IMPA2: variants seen among roughly 807,000 people sequenced by gnomAD.
IMPA2 encodes IMP 2.
A neutral mutation model predicts 35.1 loss-of-function variants in IMPA2; 32 were observed. That is an observed-to-expected ratio of 0.91 (90% CI 0.69 to 1.23). The LOEUF (loss-of-function observed/expected upper bound fraction) is 1.23. Ranked by LOEUF, IMPA2 falls within the 50% of genes most tolerant of loss-of-function variation. The probability of loss-of-function intolerance (pLI) is 0.00; values close to 1 mark genes in which losing one functional copy is unlikely to be tolerated. For synonymous variants in IMPA2, 135 were observed against 160.6 expected (o/e 0.84, Z 1.20); for missense variants, 334 against 387.6 (o/e 0.86, Z 1.16).
At position 11,999,158 on chromosome 18, in the gene IMPA2, T is replaced by G; in HGVS notation, c.201T>G (p.Ser67=). The change falls in exon 2 of 8, where the codon TCT becomes TCG. Residue 67 remains serine, a synonymous_variant. Transcript: ENST00000269159. The part of the protein sequence containing the change: ...TDHLVEDLII[S]ELRERFPSHR... The stretch of plus-strand genomic sequence containing the variant: ...ACCTTGTGGAAGATTTAATTATTTC[T>G]GAGTTGCGAGAGAGGTTTCCTTCAC... The G allele has an allele frequency of 6.2e-7, 1 of 1,613,920 alleles. No individual in the cohort carries two copies. Among genetic ancestry groups the G allele is most frequent in the Non-Finnish European group, 8.5e-7 (1 of 1,179,872 alleles).
chr18:12,016,371 G>T (rs116920172), intron 5 of IMPA2, among the ~76,000 whole-genome samples: 1 of 151,734 alleles, frequency 6.6e-6, no homozygotes, highest in East Asian at 1.9e-4. Flanking sequence ...ATGCTCTTCA[G>T]CAGCACGGTC....
chr18:12,027,567 A>ATTTTT (rs138876745), intron 5 of IMPA2, among the ~76,000 whole-genome samples: 1,793 of 90,872 alleles, frequency 0.02, 68 homozygotes, highest in African/African-American at 0.026. Context: ...AATGATGGTG[A>ATTTTT]TTTTTTTTTT....
intron 4 of IMPA2, among the ~76,000 whole-genome samples, chr18:12,013,663 G>T (rs537774013): frequency 6.6e-6 from 1 of 152,182 alleles, no homozygotes; most frequent in African/African-American, 2.4e-5. Context: ...CCTTTTCCAC[G>T]CTGACCTCTT....
At chr18:12,013,766 C>T (rs955251234) in intron 4 of IMPA2, among the ~76,000 whole-genome samples, 4 of 152,218 alleles carry the variant, frequency 2.6e-5, no homozygotes, top group African/African-American at 9.6e-5. Flanking sequence ...TGCCTGCTCA[C>T]GGATCAGTCC....
At chr18:12,018,564 T>C (rs1483732168) in intron 5 of IMPA2, among the ~76,000 whole-genome samples, 3 of 152,204 alleles carry the variant, frequency 2.0e-5, no homozygotes, top group Non-Finnish European at 4.4e-5. Flanking sequence ...AACCCATTCA[T>C]ACTCCTAAAA....
Position 12,019,350 on chromosome 18 carries a change from G to A in IMPA2, c.490+4977G>A, listed in dbSNP as rs566406419. ...GCTCACTGCAACCCCTGCCTCCCAGGTTCCAGTGATTCTCCCACCTCAGCT... is the reference window on the plus strand; with the variant it reads ...GCTCACTGCAACCCCTGCCTCCCAGATTCCAGTGATTCTCCCACCTCAGCT... On this transcript the variant is annotated intron_variant, in intron 5 of 7. Coordinates refer to ENST00000269159, the MANE Select transcript of IMPA2 (RefSeq NM_014214.3). Among the ~76,000 whole-genome samples the A allele has an allele frequency of 4.6e-5, 7 of 151,688 alleles. No homozygotes were observed. The South Asian group carries it at 1.5e-3, about 32-fold the overall frequency.
rs538492835 is a variant in IMPA2, at chr18:12,020,172, C to CTTTATTTATTTATTTA, written c.490+5809_490+5810insTATTTATTTATTTATT. Among the ~76,000 whole-genome samples, 423 of 150,180 alleles carry CTTTATTTATTTATTTA rather than the reference C, an allele frequency of 2.8e-3. 2 individuals are homozygous for CTTTATTTATTTATTTA. Among genetic ancestry groups the CTTTATTTATTTATTTA allele is most frequent in the African/African-American group, 0.01 (406 of 40,228 alleles). Reference sequence around the variant, plus strand: ...ACAGGTATGAGCCACCACACTCGGCCTTTATTTATTGATTGATTGATTGAT... The same window carrying CTTTATTTATTTATTTA: ...ACAGGTATGAGCCACCACACTCGGCCTTTATTTATTTATTTATTTATTTATTGATTGATTGATTGAT... On this transcript the variant is annotated intron_variant, in intron 5 of 7. Coordinates refer to ENST00000269159, the MANE Select transcript of IMPA2 (RefSeq NM_014214.3).
chr18:11,987,754 G>T (rs1568025847), intron 1 of IMPA2, among the ~76,000 whole-genome samples: 1 of 151,820 alleles, frequency 6.6e-6, no homozygotes. Flanking sequence ...TTTATTAATA[G>T]TAGGAGTAGA....
intron 1 of IMPA2, 71 bp downstream of exon 1, chr18:11,981,836 T>A: frequency 9.6e-7 from 1 of 1,042,052 alleles, no homozygotes; most frequent in Non-Finnish European, 1.2e-6. Context: ...CCGCCTGGAG[T>A]GGCGGGGTCC....
Position 11,998,928 on chromosome 18 carries a change from GCCCC to G in IMPA2, c.97-111_97-108del, listed in dbSNP as rs946987188. On this transcript the variant is annotated intron_variant, in intron 1 of 7. Transcript: ENST00000269159. ...CAGAGCCACACCTGCTGCCCCCGCC[GCCCC>G]CCCCCCCCCCCCCCACCCAATGGCA... The G allele has an allele frequency of 2.8e-4, 9 of 31,582 alleles. No individual in the cohort carries two copies. In the African/African-American group the frequency reaches 3.0e-3, roughly 11 times the overall value. 2.0% of individuals were successfully genotyped at this position (31,582 alleles called of 1,614,324 possible). A position where few individuals can be genotyped will look rare whatever the true frequency, so the allele number is the denominator to read the frequency against.
At chr18:11,987,613 G>C (rs976526600) in intron 1 of IMPA2, among the ~76,000 whole-genome samples, 2 of 152,190 alleles carry the variant, frequency 1.3e-5, no homozygotes, top group Non-Finnish European at 2.9e-5. Context: ...TTACAGGCAC[G>C]AGCCACTGCG....
chr18:12,012,896 A>C (rs1907473847), intron 4 of IMPA2, among the ~76,000 whole-genome samples: 1 of 152,250 alleles, frequency 6.6e-6, no homozygotes, highest in Non-Finnish European at 1.5e-5. Context: ...ACTCCCTGGC[A>C]GGGGAGCTGA....
At chr18:12,006,598 C>T (rs1381366246) in intron 2 of IMPA2, among the ~76,000 whole-genome samples, 3 of 152,148 alleles carry the variant, frequency 2.0e-5, no homozygotes, top group African/African-American at 4.8e-5. Context: ...GCTCAGAAGC[C>T]CCTGCTTATT....
At chr18:11,999,854 A>G (rs1907068209) in intron 2 of IMPA2, among the ~76,000 whole-genome samples, 1 of 152,228 alleles carries the variant, frequency 6.6e-6, no homozygotes, top group African/African-American at 2.4e-5. Context: ...TTTGCATAGC[A>G]TTTTAAGGGA....
At chr18:11,986,872 C>G (rs1441994739) in intron 1 of IMPA2, among the ~76,000 whole-genome samples, 1 of 152,192 alleles carries the variant, frequency 6.6e-6, no homozygotes, top group African/African-American at 2.4e-5. Context: ...CTGTGGGTGT[C>G]CATGTCCATG....
intron 2 of IMPA2, among the ~76,000 whole-genome samples, chr18:12,009,445 C>T (rs1045186120): frequency 3.9e-5 from 6 of 152,048 alleles, no homozygotes; most frequent in Admixed American, 2.0e-4. Context: ...ACATTTAACC[C>T]CTCGGTGCCC....
At chr18:12,014,855 C>A (rs1381367107) in intron 5 of IMPA2, among the ~76,000 whole-genome samples, 1 of 152,146 alleles carries the variant, frequency 6.6e-6, no homozygotes, top group African/African-American at 2.4e-5. Context: ...GCACCTTAGC[C>A]CCTCTGCAGT....
At chr18:12,001,466 T>C (rs1364686309) in intron 2 of IMPA2, among the ~76,000 whole-genome samples, 1 of 151,926 alleles carries the variant, frequency 6.6e-6, no homozygotes, top group African/African-American at 2.4e-5. Flanking sequence ...TCAGGCACAG[T>C]GAAGTTATTG....
intron 4 of IMPA2, 116 bp from the exon 5 acceptor site, chr18:12,014,149 A>G: frequency 1.4e-6 from 1 of 733,464 alleles, no homozygotes; most frequent in Non-Finnish European, 2.4e-6. Context: ...TTTCTGTCAC[A>G]GTGTAATGTG....
Sources: allele counts gnomAD v4.1 joint callset (sites outside exome capture counted in the v4.1 genomes callset), GRCh38; gene constraint gnomAD v4.1.1; transcripts MANE v1.5; gene names NCBI Gene and HGNC (gene_info 2026-07-23, HGNC 2026-07-21).